The following GALNT3 variants were observed in gnomAD, a reference collection of about 807,000 sequenced individuals.
The protein encoded by GALNT3 is GalNAc transferase 3.
Under a neutral mutation model 69.8 loss-of-function variants are expected in GALNT3, and 51 were observed. The observed-to-expected ratio is 0.73, with a 90% CI of 0.58 to 0.92. GALNT3 has a LOEUF of 0.92. GALNT3 is among the 40% of genes least tolerant of loss of function. The probability of loss-of-function intolerance (pLI) is 0.00; values close to 1 mark genes in which losing one functional copy is unlikely to be tolerated. For synonymous variants in GALNT3, 265 were observed against 248.5 expected, an observed-to-expected ratio of 1.07 and a Z score of -0.63; for missense variants, 711 against 760.0, an observed-to-expected ratio of 0.94 and a Z score of 0.76.
At position 165,764,983 on chromosome 2, in the gene GALNT3, C is replaced by A; in HGVS notation, c.589G>T (p.Ala197Ser). 1 of 1,614,152 alleles carries A rather than the reference C, an allele frequency of 6.2e-7. No homozygotes were observed. The highest frequency in any genetic ancestry group is 8.5e-7 in the Non-Finnish European group (1 of 1,180,002). The change falls in exon 3 of 11, where the codon GCG becomes TCG. Residue 197 changes from alanine (A) to serine (S), a missense_variant. Coordinates refer to ENST00000392701, the MANE Select transcript of GALNT3 (RefSeq NM_004482.4). ...ACAGTTCTAAGCAACGTGGACCACG[C>A]TTCATTATGAAAAACTATTATGACA... ...TSVIIVFHNE[A>S]WSTLLRTVHS...
At chr2:165,792,356 A>G (rs574685343) in intron 1 of GALNT3, among the ~76,000 whole-genome samples, 9 of 152,352 alleles carry the variant, frequency 5.9e-5, no homozygotes, top group Non-Finnish European at 1.2e-4. Context: ...AGTAATGAAG[A>G]CTAATATTCA....
chr2:165,769,412 A>G (rs1273678770), intron 2 of GALNT3, among the ~76,000 whole-genome samples: 1 of 133,620 alleles, frequency 7.5e-6, no homozygotes, highest in Non-Finnish European at 1.6e-5. Context: ...TCTCAAAATA[A>G]TAATAATAAT....
At chr2:165,765,780 G>A (rs763364699) in intron 2 of GALNT3, among the ~76,000 whole-genome samples, 1 of 151,882 alleles carries the variant, frequency 6.6e-6, no homozygotes, top group Non-Finnish European at 1.5e-5. Flanking sequence ...GTGCCACTGC[G>A]CCCACAATAT....
chr2:165,773,952 T>C (rs1023130324), intron 1 of GALNT3, among the ~76,000 whole-genome samples: 3 of 152,174 alleles, frequency 2.0e-5, no homozygotes, highest in Non-Finnish European at 4.4e-5. Context: ...TAATGGGCTT[T>C]AGTGAAAAAT....
chr2:165,776,201 C>T (rs1425001), intron 1 of GALNT3, among the ~76,000 whole-genome samples: 149,509 of 152,236 alleles, frequency 0.98, 73,462 homozygotes, highest in East Asian at 1. Flanking sequence ...TGCCTTTTTC[C>T]GGGAATAATG....
chr2:165,754,710 G>A lies in GALNT3; in HGVS notation c.1543C>T (p.Pro515Ser), dbSNP rs1474934820. The change falls in exon 9 of 11, where the codon CCT (proline) becomes TCT (serine). Residue 515 changes from proline (P) to serine (S), a missense_variant. Physicochemically the swap from Pro to Ser is moderately conservative, Grantham distance 74. Transcript: ENST00000392701. The stretch of plus-strand genomic sequence containing the variant: ...TTTTCTCCAACATCCAGACATAGAG[G>A]CTGACCAACGCTTTTAATCTAAAGG... ...ISGYIKSVGQ[P>S]LCLDVGENNQ... The A allele has an allele frequency of 1.2e-6, 2 of 1,612,222 alleles. No individual in the cohort carries two copies. Among genetic ancestry groups the A allele is most frequent in the South Asian group, 2.2e-5 (2 of 90,834 alleles).
intron 2 of GALNT3, among the ~76,000 whole-genome samples, chr2:165,768,006 T>G (rs1688675620): frequency 6.6e-6 from 1 of 151,310 alleles, no homozygotes; most frequent in Non-Finnish European, 1.5e-5. Flanking sequence ...CCCAAGTAGC[T>G]GGGACTACAG....
chr2:165,791,999 AG>A (rs771836152), intron 1 of GALNT3, among the ~76,000 whole-genome samples: 5 of 152,172 alleles, frequency 3.3e-5, no homozygotes, highest in Non-Finnish European at 5.9e-5. Flanking sequence ...ATGGTAAGTG[AG>A]GATGTGGGTG....
intron 4 of GALNT3, 182 bp downstream of exon 4, chr2:165,761,723 T>G: frequency 2.7e-6 from 2 of 736,394 alleles, no homozygotes; most frequent in Non-Finnish European, 5.0e-6. Context: ...TCTGCATAAG[T>G]GAAAGGAATT....
At chr2:165,764,262 A>C (rs1419843641) in intron 3 of GALNT3, among the ~76,000 whole-genome samples, 2 of 151,884 alleles carry the variant, frequency 1.3e-5, no homozygotes, top group Non-Finnish European at 2.9e-5. Context: ...GAACATGGTG[A>C]CTCTTTTTAA....
At chr2:165,788,506 T>TGTGC (rs1491121079) in intron 1 of GALNT3, among the ~76,000 whole-genome samples, 1 of 149,596 alleles carries the variant, frequency 6.7e-6, no homozygotes, top group Non-Finnish European at 1.5e-5. Context: ...TGTGTGTGTG[T>TGTGC]ATACAGACAA....
rs754517016 is a variant in GALNT3 at position 165,754,686 on chromosome 2, T to C, written c.1567A>G (p.Asn523Asp). Reference sequence around the variant, plus strand: ...ATTAATGGTTTGCCTCCTTGATTGTTTTCTCCAACATCCAGACATAGAGGC... The same window carrying C: ...ATTAATGGTTTGCCTCCTTGATTGTCTTCTCCAACATCCAGACATAGAGGC... ...GQPLCLDVGE[N>D]NQGGKPLIMY... The change falls in exon 9 of 11, where the codon AAC becomes GAC. Residue 523 changes from asparagine to aspartate, a missense_variant. By Grantham distance (23) the Asn-to-Asp change is conservative. Transcript: ENST00000392701. 84 of 1,613,540 alleles carry C rather than the reference T, an allele frequency of 5.2e-5. No homozygotes were observed. The highest frequency in any genetic ancestry group is 6.6e-5 in the Non-Finnish European group (78 of 1,179,798).
At chr2:165,787,686 T>C (rs2105231796) in intron 1 of GALNT3, among the ~76,000 whole-genome samples, 1 of 152,326 alleles carries the variant, frequency 6.6e-6, no homozygotes, top group East Asian at 1.9e-4. Flanking sequence ...GACTGCTAAT[T>C]CCAAGAAATC....
chr2:165,752,910 A>G (rs1183941734), intron 9 of GALNT3, among the ~76,000 whole-genome samples: 3 of 152,220 alleles, frequency 2.0e-5, no homozygotes, highest in Non-Finnish European at 4.4e-5. Flanking sequence ...TTATGCACAT[A>G]CACATATATG....
chr2:165,757,167 G>C lies in GALNT3; in HGVS notation c.1272C>G (p.Ser424Arg). ...CAATCACCTGAGTGCCTTTTGGAAA[G>C]CTATGAGGGCTTTTGCTGCGAAAAA... is the stretch of plus-strand genomic sequence containing the variant. ...GHVFRSKSPH[S>R]FPKGTQVIAR... Residue 424 changes from serine to arginine, a missense_variant, in exon 7 of 11, where the codon AGC becomes AGG. Coordinates refer to ENST00000392701, the MANE Select transcript of GALNT3 (RefSeq NM_004482.4). 1 of 1,614,074 alleles carries C rather than the reference G, an allele frequency of 6.2e-7. No homozygotes were observed.
At chr2:165,763,614 G>A (rs949033918) in intron 3 of GALNT3, among the ~76,000 whole-genome samples, 32 of 152,030 alleles carry the variant, frequency 2.1e-4, no homozygotes, top group Non-Finnish European at 8.8e-5. Context: ...TCTGTTTTAA[G>A]AGGCTTGTAA....
intron 1 of GALNT3, among the ~76,000 whole-genome samples, chr2:165,783,973 T>C (rs1037474464): frequency 2.0e-5 from 3 of 152,160 alleles, no homozygotes; most frequent in African/African-American, 7.2e-5. Context: ...CTTCTCCAAC[T>C]ACCATCTGAA....
chr2:165,757,154 T>G lies in GALNT3; in HGVS notation c.1285A>C (p.Thr429Pro). ...ACTTGGTTTCTAGCAATCACCTGAG[T>G]GCCTTTTGGAAAGCTATGAGGGCTT... is the stretch of plus-strand genomic sequence containing the variant. ...SKSPHSFPKG[T>P]QVIARNQVRL... is the part of the protein sequence containing the mutation. The change falls in exon 7 of 11, where the codon ACT (threonine) becomes CCT (proline). Residue 429 changes from threonine to proline, a missense_variant. By Grantham distance (38) the Thr-to-Pro change is conservative. Coordinates refer to ENST00000392701, the MANE Select transcript of GALNT3 (RefSeq NM_004482.4). The G allele has an allele frequency of 1.2e-6, 2 of 1,614,098 alleles. No individual in the cohort carries two copies. Among genetic ancestry groups the G allele is most frequent in the Non-Finnish European group, 1.7e-6 (2 of 1,179,972 alleles).
chr2:165,782,685 C>A (rs1384740904), intron 1 of GALNT3, among the ~76,000 whole-genome samples: 1 of 152,154 alleles, frequency 6.6e-6, no homozygotes, highest in Non-Finnish European at 1.5e-5. Flanking sequence ...CCACTTTGAA[C>A]AGTTGGCCAC....
Sources: gnomAD v4.1 joint callset for allele counts (sites outside exome capture counted in the v4.1 genomes callset) on GRCh38, gnomAD v4.1.1 for gene constraint, MANE v1.5 for transcripts, NCBI Gene and HGNC (gene_info 2026-07-23, HGNC 2026-07-21) for gene names.